INPP5A: variants seen among roughly 807,000 people sequenced by gnomAD.
INPP5A encodes inositol polyphosphate-5-phosphatase A, also known as 43 kDa inositol polyphosphate 5-phophatase.
A neutral mutation model predicts 65.2 loss-of-function variants in INPP5A; 14 were observed. The ratio of observed to expected loss-of-function variants is 0.21; its 90% CI spans 0.14 to 0.34. The LOEUF is 0.34. Ranked by LOEUF, INPP5A falls within the 10% of genes least tolerant of loss-of-function variation. The pLI, the probability that INPP5A is intolerant of heterozygous loss-of-function variation, is 1.00. For missense variants in INPP5A, 431 were observed against 545.6 expected, an observed-to-expected ratio of 0.79 and a Z score of 2.09; for synonymous variants, 207 against 208.3, an observed-to-expected ratio of 0.99 and a Z score of 0.05.
chr10:132,703,863 A>C (rs1321780058), intron 6 of INPP5A, among the ~76,000 whole-genome samples: 3 of 23,036 alleles, frequency 1.3e-4, no homozygotes, highest in Admixed American at 6.4e-4. Context: ...AGCTTCACCC[A>C]CACACACACG....
At chr10:132,695,836 A>G (rs1845335962) in intron 5 of INPP5A, among the ~76,000 whole-genome samples, 1 of 152,246 alleles carries the variant, frequency 6.6e-6, no homozygotes, top group Admixed American at 6.5e-5. Context: ...ACTCTGATGA[A>G]ATAAGGAAGA....
intron 1 of INPP5A, among the ~76,000 whole-genome samples, chr10:132,588,785 G>T (rs998245575): frequency 6.6e-6 from 1 of 152,186 alleles, no homozygotes; most frequent in Non-Finnish European, 1.5e-5. Context: ...TTCTTGGAGT[G>T]TGGGTTGTGG....
At chr10:132,606,251 C>T (rs2071847508) in intron 1 of INPP5A, among the ~76,000 whole-genome samples, 2 of 151,996 alleles carry the variant, frequency 1.3e-5, no homozygotes, top group African/African-American at 4.8e-5. Context: ...GGGACAGCGG[C>T]GTGGGTCAGT....
At chr10:132,586,857 C>A (rs2071551572) in intron 1 of INPP5A, among the ~76,000 whole-genome samples, 3 of 152,118 alleles carry the variant, frequency 2.0e-5, no homozygotes, top group Admixed American at 6.5e-5. Flanking sequence ...CGGTTCTCTC[C>A]TGCGCGTCAG....
chr10:132,588,968 T>G (rs1380537508), intron 1 of INPP5A, among the ~76,000 whole-genome samples: 7 of 144,850 alleles, frequency 4.8e-5, no homozygotes, highest in East Asian at 2.0e-4. Context: ...GGAGTGTGGG[T>G]TGTGGTCCCA....
intron 1 of INPP5A, among the ~76,000 whole-genome samples, chr10:132,561,199 A>T (rs968939066): frequency 1.4e-5 from 2 of 148,074 alleles, no homozygotes; most frequent in African/African-American, 5.1e-5. Flanking sequence ...AATAGCAGGG[A>T]CTACAGACTT....
chr10:132,760,092 A>G (rs377438390), intron 11 of INPP5A, among the ~76,000 whole-genome samples: 1 of 152,206 alleles, frequency 6.6e-6, no homozygotes, highest in African/African-American at 2.4e-5. Flanking sequence ...CTCTGAAGCT[A>G]AACGAATTCA....
chr10:132,755,085 A>G (rs1846569772), intron 11 of INPP5A, among the ~76,000 whole-genome samples: 1 of 151,782 alleles, frequency 6.6e-6, no homozygotes, highest in African/African-American at 2.4e-5. Context: ...TCATATGTGC[A>G]TATGCATGTG....
At chr10:132,624,179 C>T (rs78836600) in intron 2 of INPP5A, among the ~76,000 whole-genome samples, 2,337 of 152,294 alleles carry the variant, frequency 0.015, 37 homozygotes, top group South Asian at 0.044. Flanking sequence ...GACATGATGG[C>T]GCCTGTTTGC....
chr10:132,647,046 G>A (rs2072505467), intron 3 of INPP5A, among the ~76,000 whole-genome samples: 1 of 152,094 alleles, frequency 6.6e-6, no homozygotes, highest in Non-Finnish European at 1.5e-5. Context: ...AGAGCAAAGT[G>A]GTTTCAGCTG....
intron 1 of INPP5A, among the ~76,000 whole-genome samples, chr10:132,576,775 G>A (rs978476735): frequency 1.3e-5 from 2 of 152,208 alleles, no homozygotes; most frequent in Non-Finnish European, 2.9e-5. Context: ...CGTCTTGCCT[G>A]TGCTGACCGG....
chr10:132,750,320 G>A (rs899869183), intron 11 of INPP5A, among the ~76,000 whole-genome samples: 3 of 152,250 alleles, frequency 2.0e-5, no homozygotes, highest in Admixed American at 6.5e-5. Flanking sequence ...ACGTGAGTGC[G>A]TATCTGCCTC....
intron 8 of INPP5A, among the ~76,000 whole-genome samples, chr10:132,723,661 TGTGTGGGGA>T (rs1845932959): frequency 1.6e-5 from 2 of 125,060 alleles, no homozygotes; most frequent in African/African-American, 3.2e-5. Context: ...GGGGATTGGC[TGTGTGGGGA>T]TTGGCCGTGT....
Position 132,616,185 on chromosome 10 carries a change from C to T in INPP5A, c.117+8229C>T, listed in dbSNP as rs936934048. 2.6e-5 allele frequency among the ~76,000 whole-genome samples: 4 copies of T among 152,170 alleles called. No homozygotes were observed. The East Asian group carries it at 7.7e-4, about 29-fold the overall frequency. On this transcript the variant is annotated intron_variant, in intron 2 of 15. Transcript: ENST00000368594. This position sits in a 1 kb window ranked among gnomAD's most constrained non-coding sequence, Gnocchi z 4.9. ...GAAGCTTCTTGTCCTTAAGTCAGAC[C>T]GGGAGGCAGACGGGCCCTGAAAGAA...
chr10:132,780,521 G>A (rs1012385682), intron 13 of INPP5A, among the ~76,000 whole-genome samples: 1 of 152,266 alleles, frequency 6.6e-6, no homozygotes, highest in South Asian at 2.1e-4. Flanking sequence ...GAGAGCCCAG[G>A]AGCATGTCCG....
At chr10:132,713,512 C>T (rs914696129) in intron 8 of INPP5A, among the ~76,000 whole-genome samples, 2 of 152,126 alleles carry the variant, frequency 1.3e-5, no homozygotes, top group African/African-American at 2.4e-5. Context: ...CTGTTATTAG[C>T]GGGTATATGG....
In INPP5A at chr10:132,637,170, G is replaced by T. The variant is rs1165912188; in HGVS notation, c.118-8698G>T. ...TGACCTTGTGGTTGATCCGCCCGCT[G>T]CCTCGGCCTCCCAAAGTGGTGGGAT... On this transcript the variant is annotated intron_variant, in intron 2 of 15. Transcript: ENST00000368594. This position sits in a 1 kb window ranked among gnomAD's most constrained non-coding sequence, Gnocchi z 4.1. Among the ~76,000 whole-genome samples, 2 of 152,184 alleles carry T rather than the reference G, an allele frequency of 1.3e-5. No homozygotes were observed. Among genetic ancestry groups the T allele is most frequent in the Non-Finnish European group, 2.9e-5 (2 of 68,032 alleles).
intron 1 of INPP5A, among the ~76,000 whole-genome samples, chr10:132,605,395 G>A (rs1845011764): frequency 2.8e-5 from 4 of 143,548 alleles, no homozygotes; most frequent in Admixed American, 2.7e-4. Flanking sequence ...GGAAGGGACA[G>A]GGAGGGAGTG....
At chr10:132,702,097 G>A (rs982283683) in intron 6 of INPP5A, among the ~76,000 whole-genome samples, 10 of 152,252 alleles carry the variant, frequency 6.6e-5, no homozygotes, top group Admixed American at 6.5e-4. Flanking sequence ...TGTTCCTGCT[G>A]TAAAATCCCT....
Sources: allele counts gnomAD v4.1 joint callset (sites outside exome capture counted in the v4.1 genomes callset), GRCh38; gene constraint gnomAD v4.1.1; non-coding constraint Gnocchi (gnomAD v3.1); transcripts MANE v1.5; gene names NCBI Gene and HGNC (gene_info 2026-07-23, HGNC 2026-07-21).